Variants in PPP1R9A observed in about 807,000 individuals in gnomAD.
PPP1R9A encodes the protein protein phosphatase 1 regulatory subunit 9A.
Under a neutral mutation model 141.9 loss-of-function variants are expected in PPP1R9A, and 59 were observed. The ratio of observed to expected loss-of-function variants is 0.42; its 90% confidence interval spans 0.34 to 0.52. The LOEUF (loss-of-function observed/expected upper bound fraction) is 0.52, where lower values mean the gene tolerates loss of function less well. Ranked by LOEUF, PPP1R9A falls within the 20% of genes least tolerant of loss-of-function variation. The pLI is 0.10. For missense variants in PPP1R9A, 1,444 were observed against 1,611.9 expected, an observed-to-expected ratio of 0.90 and a Z score of 1.78; for synonymous variants, 500 against 569.7, an observed-to-expected ratio of 0.88 and a Z score of 1.74.
chr7:94,998,598 C>T (rs1802477956), intron 2 of PPP1R9A, among the ~76,000 whole-genome samples: 1 of 152,084 alleles, frequency 6.6e-6, no homozygotes, highest in Non-Finnish European at 1.5e-5. Flanking sequence ...CGCATTGAGT[C>T]CACATGGGCT....
intron 2 of PPP1R9A, among the ~76,000 whole-genome samples, chr7:95,085,604 G>A (rs541152444): frequency 3.8e-4 from 57 of 151,352 alleles, no homozygotes; most frequent in Middle Eastern, 6.8e-3. Flanking sequence ...TAGTAGTGAC[G>A]GGGTTTCGCC....
At chr7:95,283,798 A>G (rs769366085) in intron 16 of PPP1R9A, among the ~76,000 whole-genome samples, 1 of 152,222 alleles carries the variant, frequency 6.6e-6, no homozygotes, top group Non-Finnish European at 1.5e-5. Context: ...CACCATGGCA[A>G]TAGCAATACG....
Position 94,984,710 on chromosome 7 carries a change from A to T in PPP1R9A, c.1395+73202A>T, listed in dbSNP as rs191900953. Among the ~76,000 whole-genome samples the T allele has an allele frequency of 1.0e-3, 152 of 151,056 alleles. 2 individuals carry two copies. Among genetic ancestry groups the T allele is most frequent in the South Asian group, 8.0e-3 (38 of 4,754 alleles). ...TATCATTTTTTATTGCATCTATTTG[A>T]TTCTTCTCTCTTTCCTTCTTTATTA... On this transcript the variant is annotated intron_variant, in intron 2 of 19. Transcript: ENST00000433360.
intron 5 of PPP1R9A, among the ~76,000 whole-genome samples, chr7:95,175,605 G>C (rs545321322): frequency 8.0e-4 from 121 of 151,666 alleles, no homozygotes; most frequent in African/African-American, 2.9e-3. Context: ...AATCATTCTA[G>C]TACTGTCAGC....
intron 7 of PPP1R9A, among the ~76,000 whole-genome samples, chr7:95,223,118 A>C (rs747881836): frequency 2.0e-5 from 3 of 151,996 alleles, no homozygotes; most frequent in African/African-American, 4.8e-5. Flanking sequence ...ACAGCAAAAG[A>C]CATATTTGTC....
At chr7:95,014,311 C>T (rs1026540314) in intron 2 of PPP1R9A, among the ~76,000 whole-genome samples, 5 of 151,894 alleles carry the variant, frequency 3.3e-5, no homozygotes, top group Admixed American at 6.6e-5. Context: ...ATTTTTTCTT[C>T]GTCTTTTATG....
intron 12 of PPP1R9A, among the ~76,000 whole-genome samples, chr7:95,266,808 T>G (rs1021673546): frequency 6.6e-6 from 1 of 152,136 alleles, no homozygotes; most frequent in African/African-American, 2.4e-5. Flanking sequence ...TGTTCCACAT[T>G]TTATATTTAA....
Position 95,286,422 on chromosome 7 carries a change from A to G in PPP1R9A, c.3729+97A>G. 4 of 1,521,700 alleles carry G rather than the reference A, an allele frequency of 2.6e-6. No homozygotes were observed. In the South Asian group the frequency reaches 4.9e-5, roughly 19 times the overall value. The allele number at this position is 1,521,700 out of a possible 1,614,324, so 94.3% of individuals were successfully genotyped here. A position where few individuals can be genotyped will look rare whatever the true frequency, so the allele number is the denominator to read the frequency against. ...AATGTTTTTAGGGTAGATATTGCAT[A>G]GAAATCATCAGGACTGTGGTTTATG... On this transcript the variant is annotated intron_variant, in intron 18 of 19. Coordinates refer to ENST00000433360, the MANE Select transcript of PPP1R9A (RefSeq NM_001166160.2).
chr7:95,076,311 C>T (rs1404706092), intron 2 of PPP1R9A, among the ~76,000 whole-genome samples: 1 of 152,200 alleles, frequency 6.6e-6, no homozygotes, highest in Non-Finnish European at 1.5e-5. Context: ...CTCTGATTCC[C>T]TTCACAGACT....
chr7:95,028,728 A>T (rs17520095), intron 2 of PPP1R9A, among the ~76,000 whole-genome samples: 59,235 of 152,064 alleles, frequency 0.39, 12,393 homozygotes, highest in Middle Eastern at 0.5. Context: ...CGTAAAGAAC[A>T]TCCTATTTAA....
At chr7:95,240,153 T>C (rs527983988) in intron 8 of PPP1R9A, among the ~76,000 whole-genome samples, 18 of 152,176 alleles carry the variant, frequency 1.2e-4, no homozygotes, top group African/African-American at 4.1e-4. Context: ...GACATTCTAA[T>C]TCATTTATGA....
chr7:95,181,577 C>CACATATATATAGAATATATATATATTCT (rs1833824381), intron 5 of PPP1R9A, among the ~76,000 whole-genome samples: 3 of 129,170 alleles, frequency 2.3e-5, no homozygotes, highest in East Asian at 2.2e-4. Context: ...ATATATATTC[C>CACATATATATAGAATATATATATATTCT]ATCACATATA....
chr7:94,947,488 G>A (rs572426270), intron 2 of PPP1R9A, among the ~76,000 whole-genome samples: 26 of 152,098 alleles, frequency 1.7e-4, no homozygotes, highest in Non-Finnish European at 3.7e-4. Context: ...TGAAGAGTGA[G>A]CTCTGCCTCA....
In PPP1R9A at chr7:95,161,886, A is replaced by G. The variant is rs1563336092; in HGVS notation, c.1669A>G (p.Ile557Val). Residue 557 changes from isoleucine to valine, a missense_variant, in exon 5 of 20, where the codon ATT becomes GTT. Ile to Val is a conservative substitution (Grantham distance 29, BLOSUM62 3). This residue lies in a region of PPP1R9A where 488 missense variants were observed against 542.0 expected (regional missense o/e 0.90). Coordinates refer to ENST00000433360, the MANE Select transcript of PPP1R9A (RefSeq NM_001166160.2). ...CTAAAGAATACAAGTCAATGACCAG[A>G]TTGTGGAAGTGGATGGAATCAGCTT... The part of the protein sequence containing the change: ...RDGRIQVNDQ[I>V]VEVDGISLVG... The G allele has an allele frequency of 6.2e-7, 1 of 1,609,072 alleles. No individual in the cohort carries two copies. The highest frequency in any genetic ancestry group is 1.7e-4 in the Middle Eastern group (1 of 6,052).
intron 7 of PPP1R9A, among the ~76,000 whole-genome samples, chr7:95,215,262 G>T (rs1032551151): frequency 2.6e-5 from 4 of 151,818 alleles, no homozygotes; most frequent in Non-Finnish European, 5.9e-5. Context: ...GAGAATGATG[G>T]TTTCCAGCTT....
At chr7:95,204,359 G>T (rs1033206746) in intron 7 of PPP1R9A, among the ~76,000 whole-genome samples, 10 of 152,248 alleles carry the variant, frequency 6.6e-5, no homozygotes, top group African/African-American at 2.4e-4. Context: ...CTGATTTATG[G>T]CAATTAGAGG....
intron 7 of PPP1R9A, among the ~76,000 whole-genome samples, chr7:95,210,678 C>T (rs2152909432): frequency 6.6e-6 from 1 of 152,274 alleles, no homozygotes; most frequent in Middle Eastern, 3.4e-3. Context: ...AATCATTCTA[C>T]TGTAAAGACA....
chr7:95,208,723 C>CA (rs534705039), intron 7 of PPP1R9A, among the ~76,000 whole-genome samples: 2,402 of 143,382 alleles, frequency 0.017, 47 homozygotes, highest in Admixed American at 0.045. Flanking sequence ...GACTCTGTCT[C>CA]AAAAAAAAAA....
At chr7:95,087,097 C>T (rs1224902849) in intron 2 of PPP1R9A, among the ~76,000 whole-genome samples, 1 of 151,688 alleles carries the variant, frequency 6.6e-6, no homozygotes, top group East Asian at 1.9e-4. Flanking sequence ...TAAGGCTGAC[C>T]CATTTTACTG....
Sources: allele counts gnomAD v4.1 joint callset (sites outside exome capture counted in the v4.1 genomes callset), GRCh38; gene constraint gnomAD v4.1.1; regional missense constraint gnomAD v4.1.1; transcripts MANE v1.5; gene names NCBI Gene and HGNC (gene_info 2026-07-23, HGNC 2026-07-21).